DNAH8: variants seen among roughly 807,000 people sequenced by gnomAD.
The protein encoded by DNAH8 is axonemal beta dynein heavy chain 8.
Under a neutral mutation model 562.1 loss-of-function variants are expected in DNAH8, and 382 were observed. The observed-to-expected ratio is 0.68, with a 90% CI of 0.63 to 0.74. The LOEUF is 0.74. DNAH8 is among the 30% of genes least tolerant of loss of function. The probability of loss-of-function intolerance (pLI) is 0.00; values close to 1 mark genes in which losing one functional copy is unlikely to be tolerated. For synonymous variants in DNAH8, 1,881 were observed against 1,919.4 expected (o/e 0.98, Z 0.52); for missense variants, 5,203 against 5,620.4 (o/e 0.93, Z 2.37).
Position 38,904,268 on chromosome 6 carries a change from G to C in DNAH8, c.9195-1986G>C, listed in dbSNP as rs116497413. On this transcript the variant is annotated intron_variant, in intron 62 of 92. Coordinates refer to ENST00000327475, the MANE Select transcript of DNAH8 (RefSeq NM_001206927.2). ...CATGGATGTGGAGTTCAGGAGAGGG[G>C]TTCTGGTTCTGGAGATAGCAATATA... Among the ~76,000 whole-genome samples the C allele has an allele frequency of 5.5e-3, 836 of 152,240 alleles. 9 individuals carry two copies. The highest frequency in any genetic ancestry group is 0.019 in the African/African-American group (786 of 41,542).
chr6:38,901,689 T>G (rs1173692562), intron 62 of DNAH8, among the ~76,000 whole-genome samples: 1 of 152,240 alleles, frequency 6.6e-6, no homozygotes, highest in African/African-American at 2.4e-5. Context: ...GTATAAAATT[T>G]AGATCACTTT....
intron 79 of DNAH8, among the ~76,000 whole-genome samples, chr6:38,944,625 T>C (rs548448530): frequency 6.4e-4 from 98 of 152,338 alleles, no homozygotes; most frequent in African/African-American, 1.9e-3. Flanking sequence ...ATGTATTTCA[T>C]TGGAAAATGC....
intron 11 of DNAH8, among the ~76,000 whole-genome samples, chr6:38,768,621 T>G (rs1028148092): frequency 1.3e-5 from 2 of 152,238 alleles, no homozygotes; most frequent in Non-Finnish European, 2.9e-5. Flanking sequence ...TGAGTCAGTT[T>G]TAGTAAGTTG....
chr6:38,841,669 A>G (rs764061963), intron 33 of DNAH8, among the ~76,000 whole-genome samples: 1 of 152,070 alleles, frequency 6.6e-6, no homozygotes, highest in Non-Finnish European at 1.5e-5. Context: ...ATTTTCCTTT[A>G]CTTGGACCTT....
chr6:38,750,369 A>G (rs1765331261), intron 8 of DNAH8, 107 bp from the exon 9 acceptor site: 1 of 580,884 alleles, frequency 1.7e-6, no homozygotes, highest in Non-Finnish European at 2.9e-6. Flanking sequence ...TTAAATATCT[A>G]CCATTTTAGT....
intron 24 of DNAH8, among the ~76,000 whole-genome samples, chr6:38,811,654 A>G (rs1771806625): frequency 6.6e-6 from 1 of 152,158 alleles, no homozygotes; most frequent in Non-Finnish European, 1.5e-5. Context: ...TTATCTGGAC[A>G]TTAATTTTTA....
At chr6:38,814,168 C>G in intron 25 of DNAH8, 39 bp downstream of exon 25, 1 of 1,208,110 alleles carries the variant, frequency 8.3e-7, no homozygotes, top group Non-Finnish European at 1.2e-6. Context: ...TGATAAGGTG[C>G]TTAAGAAGTA....
At chr6:38,776,103 A>G in intron 13 of DNAH8, 152 bp downstream of exon 13, 1 of 601,658 alleles carries the variant, frequency 1.7e-6, no homozygotes, top group Non-Finnish European at 2.9e-6. Context: ...TTGCAGTGTG[A>G]GTAACTTTTA....
At position 38,722,587 on chromosome 6, in the gene DNAH8, T is replaced by G. The variant is rs34874997; in HGVS notation, c.-34-189T>G. On this transcript the variant is annotated intron_variant, in intron 1 of 92. Coordinates refer to ENST00000327475, the MANE Select transcript of DNAH8 (RefSeq NM_001206927.2). ...AAAAGCTCCCAGGTGGGTGGGGGTG[T>G]GTGTGTGTGTGTGTGTGCTGTCCTC... 0.34 allele frequency among the ~76,000 whole-genome samples: 50,899 copies of G among 149,718 alleles called. 9,171 individuals carry two copies. The highest frequency in any genetic ancestry group is 0.8 in the East Asian group (3,936 of 4,918).
chr6:38,809,678 G>T (rs1771621739), intron 24 of DNAH8, among the ~76,000 whole-genome samples: 1 of 152,092 alleles, frequency 6.6e-6, no homozygotes, highest in Non-Finnish European at 1.5e-5. Flanking sequence ...TAAAGGTCCT[G>T]CACATTTTTG....
chr6:38,837,252 T>C (rs1281779817), intron 32 of DNAH8, among the ~76,000 whole-genome samples: 1 of 152,194 alleles, frequency 6.6e-6, no homozygotes, highest in East Asian at 1.9e-4. Flanking sequence ...TGAGGTCTGA[T>C]GCTGGATATT....
intron 9 of DNAH8, among the ~76,000 whole-genome samples, chr6:38,751,709 C>G (rs1469499824): frequency 6.6e-6 from 1 of 152,000 alleles, no homozygotes; most frequent in Non-Finnish European, 1.5e-5. Context: ...AATTTATAAT[C>G]TGGTATTTCA....
intron 91 of DNAH8, among the ~76,000 whole-genome samples, chr6:39,014,052 A>G (rs537765162): frequency 6.6e-6 from 1 of 152,332 alleles, no homozygotes; most frequent in East Asian, 1.9e-4. Flanking sequence ...AATATTATAC[A>G]TGAAAAATAT....
intron 17 of DNAH8, among the ~76,000 whole-genome samples, chr6:38,785,312 C>T (rs989889646): frequency 1.3e-5 from 2 of 152,094 alleles, no homozygotes; most frequent in Non-Finnish European, 2.9e-5. Flanking sequence ...GTTGGTTGCT[C>T]AGTAAAGTTT....
chr6:38,951,155 C>T (rs1217382165), intron 81 of DNAH8, among the ~76,000 whole-genome samples, 163 bp from the exon 82 acceptor site: 1 of 152,192 alleles, frequency 6.6e-6, no homozygotes, highest in Non-Finnish European at 1.5e-5. Context: ...TAAGTTTGTG[C>T]TCATCTGTGA....
chr6:38,927,483 T>A (rs1289336265), intron 74 of DNAH8, among the ~76,000 whole-genome samples: 1 of 152,116 alleles, frequency 6.6e-6, no homozygotes, highest in Non-Finnish European at 1.5e-5. Flanking sequence ...GCAATGTAAA[T>A]AGAAGAGAAG....
chr6:38,864,187 T>C (rs539560132), intron 45 of DNAH8, 127 bp downstream of exon 45: 3 of 850,806 alleles, frequency 3.5e-6, no homozygotes, highest in Admixed American at 3.3e-5. Flanking sequence ...TCTTACCATA[T>C]GATTTTTTTT....
At chr6:38,869,907 T>G (rs1777333871) in intron 48 of DNAH8, among the ~76,000 whole-genome samples, 1 of 152,204 alleles carries the variant, frequency 6.6e-6, no homozygotes, top group African/African-American at 2.4e-5. Flanking sequence ...TATTAGTCTG[T>G]TCTCACACTG....
intron 92 of DNAH8, among the ~76,000 whole-genome samples, chr6:39,028,523 A>G (rs1767448399): frequency 6.6e-6 from 1 of 152,122 alleles, no homozygotes; most frequent in Non-Finnish European, 1.5e-5. Context: ...TCTTCTTATA[A>G]AGTTACCAGT....
Sources: gnomAD v4.1 joint callset for allele counts (sites outside exome capture counted in the v4.1 genomes callset) on GRCh38, gnomAD v4.1.1 for gene constraint, MANE v1.5 for transcripts, NCBI Gene and HGNC (gene_info 2026-07-23, HGNC 2026-07-21) for gene names.